Variants in NALF1 observed in about 807,000 individuals in gnomAD.
NALF1 encodes NALCN channel auxiliary factor 1.
NALF1 carries 3 observed loss-of-function variants against 48.4 expected under a neutral mutation model. That is an observed-to-expected ratio of 0.06 (90% CI 0.03 to 0.16). NALF1 has a LOEUF of 0.16. Among genes scored for constraint, NALF1 ranks in the 10% least tolerant of loss-of-function variants. The probability of loss-of-function intolerance (pLI) is 1.00; values close to 1 mark genes in which losing one functional copy is unlikely to be tolerated. For synonymous variants in NALF1, 262 were observed against 245.7 expected (o/e 1.07, Z -0.62); for missense variants, 526 against 571.5 (o/e 0.92, Z 0.81).
intron 1 of NALF1, among the ~76,000 whole-genome samples, chr13:107,460,887 C>T (rs1167456988): frequency 6.6e-6 from 1 of 152,120 alleles, no homozygotes; most frequent in Non-Finnish European, 1.5e-5. Context: ...GTAACCTAAT[C>T]AAGGGTATTA....
At chr13:107,635,679 T>A (rs1034926025) in intron 1 of NALF1, among the ~76,000 whole-genome samples, 7 of 152,216 alleles carry the variant, frequency 4.6e-5, no homozygotes, top group Non-Finnish European at 7.3e-5. Context: ...ATAATTGTAA[T>A]GAACCTGTAG....
At chr13:107,687,451 G>A (rs1345477295) in intron 1 of NALF1, among the ~76,000 whole-genome samples, 12 of 147,682 alleles carry the variant, frequency 8.1e-5, no homozygotes, top group African/African-American at 2.5e-4. Context: ...TGTAACCCCC[G>A]TGAATCTAAA....
chr13:107,612,731 C>T (rs189128180), intron 1 of NALF1, among the ~76,000 whole-genome samples: 2 of 152,200 alleles, frequency 1.3e-5, no homozygotes, highest in African/African-American at 4.8e-5. Flanking sequence ...CTGGCACTGG[C>T]CCTCCTGGTT....
At chr13:107,348,269 G>T (rs528518045) in intron 1 of NALF1, among the ~76,000 whole-genome samples, 10 of 152,126 alleles carry the variant, frequency 6.6e-5, no homozygotes, top group Admixed American at 3.9e-4. Flanking sequence ...ATTTAATTTA[G>T]CTCTTAAAAT....
chr13:107,749,812 T>TGG (rs1876883776), intron 1 of NALF1, among the ~76,000 whole-genome samples: 1 of 126,198 alleles, frequency 7.9e-6, no homozygotes, highest in Admixed American at 9.7e-5. Flanking sequence ...TTGTGGTGGT[T>TGG]TGTTTGTTTG....
Position 107,515,996 on chromosome 13 carries a change from T to C in NALF1, c.916-305241A>G, listed in dbSNP as rs188730573. 3.3e-5 allele frequency among the ~76,000 whole-genome samples: 5 copies of C among 152,278 alleles called. No individual in the cohort carries two copies. In the East Asian group the frequency reaches 7.7e-4, roughly 24 times the overall value. On this transcript the variant is annotated intron_variant, in intron 1 of 2. Coordinates refer to ENST00000375915, the MANE Select transcript of NALF1 (RefSeq NM_001080396.3). ...GGCTAAGTAGAATATAGAATGAAAG[T>C]AGCATGTGATAACAGAGTGACCCAT...
intron 1 of NALF1, among the ~76,000 whole-genome samples, chr13:107,322,293 A>C (rs1156437543): frequency 6.6e-6 from 1 of 152,138 alleles, no homozygotes; most frequent in Non-Finnish European, 1.5e-5. Context: ...TCTATCTCTT[A>C]TTCAAAAGAC....
intron 1 of NALF1, among the ~76,000 whole-genome samples, chr13:107,270,926 G>A (rs565505248): frequency 2.0e-5 from 3 of 150,268 alleles, no homozygotes; most frequent in South Asian, 2.1e-4. Flanking sequence ...TTGGTTTTTT[G>A]TCCTTGCGAT....
chr13:107,401,468 G>T (rs2138991734), intron 1 of NALF1, among the ~76,000 whole-genome samples: 1 of 152,274 alleles, frequency 6.6e-6, no homozygotes, highest in South Asian at 2.1e-4. Context: ...TTGCCCACTA[G>T]TAATGATGCT....
At chr13:107,847,969 G>T (rs1880215214) in intron 1 of NALF1, among the ~76,000 whole-genome samples, 1 of 152,172 alleles carries the variant, frequency 6.6e-6, no homozygotes, top group African/African-American at 2.4e-5. Context: ...TAAACTTTAA[G>T]AAGAAATCAG....
chr13:107,808,529 C>T (rs1238511468), intron 1 of NALF1, among the ~76,000 whole-genome samples: 1 of 152,014 alleles, frequency 6.6e-6, no homozygotes, highest in Non-Finnish European at 1.5e-5. Flanking sequence ...CTATGCACAT[C>T]AACTATGAAC....
intron 1 of NALF1, among the ~76,000 whole-genome samples, chr13:107,747,531 C>T (rs1476444516): frequency 2.0e-5 from 3 of 152,136 alleles, no homozygotes; most frequent in Non-Finnish European, 2.9e-5. Context: ...ACAACCAACT[C>T]ATACTTTTGC....
intron 1 of NALF1, among the ~76,000 whole-genome samples, chr13:107,451,594 A>G (rs1782473536): frequency 6.6e-6 from 1 of 152,128 alleles, no homozygotes; most frequent in African/African-American, 2.4e-5. Flanking sequence ...TTTCTCTTCC[A>G]TCAGCATTTT....
intron 1 of NALF1, among the ~76,000 whole-genome samples, chr13:107,656,943 G>A (rs1880593749): frequency 1.3e-5 from 2 of 152,078 alleles, no homozygotes; most frequent in African/African-American, 4.8e-5. Flanking sequence ...TCATATGTGG[G>A]AGCTAAGCTA....
At chr13:107,852,781 T>C (rs904925521) in intron 1 of NALF1, among the ~76,000 whole-genome samples, 16 of 152,168 alleles carry the variant, frequency 1.1e-4, no homozygotes, top group Non-Finnish European at 2.2e-4. Flanking sequence ...TCTGTTGTCA[T>C]GGCATCAAAA....
intron 1 of NALF1, among the ~76,000 whole-genome samples, chr13:107,729,106 T>C: frequency 6.6e-6 from 1 of 152,218 alleles, no homozygotes; most frequent in East Asian, 1.9e-4. Flanking sequence ...CTGAATTTGA[T>C]CAAGCTGGCA....
chr13:107,767,446 T>C (rs1231031048), intron 1 of NALF1, among the ~76,000 whole-genome samples: 1 of 152,218 alleles, frequency 6.6e-6, no homozygotes, highest in African/African-American at 2.4e-5. Context: ...CCCACTGTCC[T>C]AAAATGCTCT....
intron 1 of NALF1, among the ~76,000 whole-genome samples, chr13:107,806,263 T>C (rs549993766): frequency 7.9e-5 from 12 of 152,204 alleles, no homozygotes; most frequent in Non-Finnish European, 1.6e-4. Flanking sequence ...TAGTCACTAC[T>C]GATGTGGCTT....
intron 1 of NALF1, among the ~76,000 whole-genome samples, chr13:107,599,572 G>C (rs1878865457): frequency 6.6e-6 from 1 of 152,078 alleles, no homozygotes; most frequent in Non-Finnish European, 1.5e-5. Flanking sequence ...ATTCGTTATT[G>C]CTAGATTTTT....
Sources: allele counts gnomAD v4.1 joint callset (sites outside exome capture counted in the v4.1 genomes callset), GRCh38; gene constraint gnomAD v4.1.1; transcripts MANE v1.5; gene names NCBI Gene and HGNC (gene_info 2026-07-23, HGNC 2026-07-21).